Variants in C6orf163 observed in about 807,000 individuals in gnomAD.
C6orf163 encodes the protein chromosome 6 open reading frame 163.
A neutral mutation model predicts 28.4 loss-of-function variants in C6orf163; 22 were observed. The observed-to-expected ratio is 0.78, with a 90% confidence interval of 0.55 to 1.11. The LOEUF (loss-of-function observed/expected upper bound fraction) is 1.11, where lower values mean the gene tolerates loss of function less well. Ranked by LOEUF, C6orf163 falls within the 50% of genes least tolerant of loss-of-function variation. The pLI, the probability that C6orf163 is intolerant of heterozygous loss-of-function variation, is 0.00. For synonymous variants in C6orf163, 110 were observed against 123.6 expected (o/e 0.89, Z 0.73); for missense variants, 342 against 389.1 (o/e 0.88, Z 1.02).
chr6:87,363,325 C>CT (rs5878029), intron 4 of C6orf163, among the ~76,000 whole-genome samples: 112,456 of 148,990 alleles, frequency 0.75, 42,437 homozygotes, highest in South Asian at 0.81. Context: ...AAACTATTTT[C>CT]TTTTTTTTTT....
Position 87,350,446 on chromosome 6 carries a change from AC to A in C6orf163, c.297del (p.Asp99GlufsTer10), listed in dbSNP as rs1777394752. ...AVEKALEEAN[D>X]RHKIEIQILK... is the part of the protein sequence containing the mutation. ...GAGAAAGCACTTGAAGAAGCAAATGACAGACACAAAATTGAAATTCAGATTT... is the reference window on the plus strand; with the variant it reads ...GAGAAAGCACTTGAAGAAGCAAATGAAGACACAAAATTGAAATTCAGATTT... On this transcript the variant is annotated frameshift_variant, in exon 3 of 5. Transcript: ENST00000388923. LOFTEE classifies it high-confidence loss of function. 6.5e-7 allele frequency: 1 copy of A among 1,536,204 alleles called. No homozygotes were observed. Among genetic ancestry groups the A allele is most frequent in the Admixed American group, 2.0e-5 (1 of 50,866 alleles).
chr6:87,358,305 CTTAAAG>C (rs953897659), intron 4 of C6orf163: 6 of 149,944 alleles, frequency 4.0e-5, no homozygotes, highest in African/African-American at 9.8e-5. Flanking sequence ...GACTCTTTCT[CTTAAAG>C]TTAAAAAAAA....
chr6:87,354,357 A>G (rs1777465696), intron 3 of C6orf163, among the ~76,000 whole-genome samples: 1 of 152,222 alleles, frequency 6.6e-6, no homozygotes, highest in Admixed American at 6.5e-5. Flanking sequence ...AGTAATCTGG[A>G]GTCATTTATG....
chr6:87,356,754 A>G, intron 4 of C6orf163: 1 of 418,264 alleles, frequency 2.4e-6, no homozygotes, highest in Non-Finnish European at 4.3e-6. Context: ...TGTTTTCTAA[A>G]GCTCTCGTGT....
At chr6:87,362,830 G>A (rs1467217935) in intron 4 of C6orf163, among the ~76,000 whole-genome samples, 1 of 152,154 alleles carries the variant, frequency 6.6e-6, no homozygotes, top group Non-Finnish European at 1.5e-5. Context: ...CTGGGAGGCA[G>A]AGGGGGAGGA....
chr6:87,355,518 G>A (rs548974701), intron 3 of C6orf163, among the ~76,000 whole-genome samples: 4 of 152,214 alleles, frequency 2.6e-5, no homozygotes, highest in African/African-American at 7.2e-5. Flanking sequence ...CTGTGATTGT[G>A]CCATTGCCCC....
Position 87,356,345 on chromosome 6 carries a change from T to C in C6orf163, c.396T>C (p.Asp132=). The change falls in exon 4 of 5, where the codon GAT becomes GAC. Residue 132 remains aspartate (D), a synonymous_variant. Coordinates refer to ENST00000388923, the MANE Select transcript of C6orf163 (RefSeq NM_001010868.3). The part of the protein sequence containing the change: ...KTKTEMYQNM[D]DEMKREHLAA... ...AGACAGAGATGTATCAAAACATGGA[T>C]GACGAAATGAAGAGAGAGCACTTGG... The C allele has an allele frequency of 6.4e-7, 1 of 1,551,638 alleles. No individual in the cohort carries two copies. The highest frequency in any genetic ancestry group is 8.7e-7 in the Non-Finnish European group (1 of 1,146,986).
rs3044136 is a variant in C6orf163 at position 87,345,916 on chromosome 6, C to CAAAAAAAAAAAAA, written c.148+681_148+693dup. On this transcript the variant is annotated intron_variant, in intron 1 of 4. Coordinates refer to ENST00000388923, the MANE Select transcript of C6orf163 (RefSeq NM_001010868.3). ...TGGGTGACAGAGCGAGACTCTGCCT[C>CAAAAAAAAAAAAA]AAAAAAAAAAAAAAAAAAAAAAAAT... Among the ~76,000 whole-genome samples, 38 of 44,618 alleles carry CAAAAAAAAAAAAA rather than the reference C, an allele frequency of 8.5e-4. 1 individual carries two copies. Among genetic ancestry groups the CAAAAAAAAAAAAA allele is most frequent in the Non-Finnish European group, 1.4e-3 (33 of 23,250 alleles). The allele number at this position is 44,618 out of a possible 152,430, so 29.3% of individuals were successfully genotyped here. A position where few individuals can be genotyped will look rare whatever the true frequency, so the allele number is the denominator to read the frequency against.
chr6:87,347,307 C>A (rs1457412507), intron 1 of C6orf163: 8 of 708,236 alleles, frequency 1.1e-5, no homozygotes, highest in Non-Finnish European at 1.2e-5. Context: ...GTTCCTTTTA[C>A]AGTATGTGCA....
chr6:87,361,543 C>T lies in C6orf163; in HGVS notation c.555-3418C>T, dbSNP rs1285085492. On this transcript the variant is annotated intron_variant, in intron 4 of 4. Coordinates refer to ENST00000388923, the MANE Select transcript of C6orf163 (RefSeq NM_001010868.3). The stretch of plus-strand genomic sequence containing the variant: ...CCACCTGGCAGGAAACTCATGCCTG[C>T]TTATGTCAGAGGACACAGGGAGCAC... 2.6e-5 allele frequency among the ~76,000 whole-genome samples: 4 copies of T among 152,284 alleles called. No homozygotes were observed. The East Asian group carries it at 7.7e-4, about 29-fold the overall frequency.
rs1466953781 is a variant in C6orf163 at position 87,345,187 on chromosome 6, A to G, written c.88A>G (p.Lys30Glu). The G allele has an allele frequency of 2.0e-6, 3 of 1,536,820 alleles. No homozygotes were observed. In the African/African-American group the frequency reaches 4.1e-5, roughly 21 times the overall value. Residue 30 changes from lysine to glutamate, a missense_variant, in exon 1 of 5, where the codon AAA (lysine) becomes GAA (glutamate). Coordinates refer to ENST00000388923, the MANE Select transcript of C6orf163 (RefSeq NM_001010868.3). ...IPPAPFGKTFKRIHEYKPLKT... is the reference protein window; with the variant it reads ...IPPAPFGKTFERIHEYKPLKT... ...ACCAGCCCCTTTTGGAAAAACCTTC[A>G]AACGGATCCATGAATACAAGCCACT...
intron 1 of C6orf163, chr6:87,347,196 A>G (rs1218668435): frequency 6.3e-6 from 1 of 159,326 alleles, no homozygotes; most frequent in East Asian, 1.9e-4. Flanking sequence ...ATCACTGAGA[A>G]TGCTATCTAA....
At chr6:87,348,152 C>G (rs1373859783) in intron 1 of C6orf163, 6 of 971,580 alleles carry the variant, frequency 6.2e-6, no homozygotes, top group Non-Finnish European at 7.3e-6. Context: ...AAGACTCCCT[C>G]TCAAAAAAAA....
intron 4 of C6orf163, among the ~76,000 whole-genome samples, chr6:87,361,565 G>A (rs1258203437): frequency 6.6e-6 from 1 of 152,188 alleles, no homozygotes; most frequent in Non-Finnish European, 1.5e-5. Context: ...GACACAGGGA[G>A]CACAGCTTCC....
chr6:87,355,516 G>C (rs777221719), intron 3 of C6orf163, among the ~76,000 whole-genome samples: 20 of 152,040 alleles, frequency 1.3e-4, no homozygotes, highest in Non-Finnish European at 2.4e-4. Context: ...AGCTGTGATT[G>C]TGCCATTGCC....
intron 4 of C6orf163, chr6:87,357,581 A>G (rs1365279349): frequency 3.3e-5 from 5 of 152,382 alleles, no homozygotes; most frequent in Admixed American, 1.3e-4. Flanking sequence ...CTCTTCCTGC[A>G]TAGACTGCAG....
At chr6:87,346,055 T>C (rs974200309) in intron 1 of C6orf163, among the ~76,000 whole-genome samples, 2 of 150,516 alleles carry the variant, frequency 1.3e-5, no homozygotes, top group African/African-American at 4.9e-5. Context: ...TACATACGTA[T>C]GTATATATAA....
chr6:87,363,081 G>A (rs1777602301), intron 4 of C6orf163, among the ~76,000 whole-genome samples: 1 of 152,100 alleles, frequency 6.6e-6, no homozygotes, highest in Non-Finnish European at 1.5e-5. Flanking sequence ...GCACAGTAAT[G>A]GAACCACACT....
At chr6:87,351,036 G>A (rs1268394792) in intron 3 of C6orf163, among the ~76,000 whole-genome samples, 1 of 152,180 alleles carries the variant, frequency 6.6e-6, no homozygotes, top group Non-Finnish European at 1.5e-5. Flanking sequence ...GGACATCTGA[G>A]CTGTCCCTCA....
Sources: allele counts gnomAD v4.1 joint callset (sites outside exome capture counted in the v4.1 genomes callset), GRCh38; gene constraint gnomAD v4.1.1; transcripts MANE v1.5; gene names NCBI Gene and HGNC (gene_info 2026-07-23, HGNC 2026-07-21).